CELSR1: variants seen among roughly 807,000 people sequenced by gnomAD.
The protein encoded by CELSR1 is adhesion G protein-coupled receptor C1.
CELSR1 carries 110 observed loss-of-function variants against 249.1 expected under a neutral mutation model. The ratio of observed to expected loss-of-function variants is 0.44; its 90% confidence interval spans 0.38 to 0.52. The LOEUF is 0.52. Ranked by LOEUF, CELSR1 falls within the 20% of genes least tolerant of loss-of-function variation. The pLI is 0.00. For missense variants in CELSR1, 4,109 were observed against 4,296.4 expected (o/e 0.96, Z 1.22); for synonymous variants, 2,113 against 1,900.0 (o/e 1.11, Z -2.92).
intron 32 of CELSR1, 122 bp from the exon 33 acceptor site, chr22:46,364,858 A>G: frequency 9.8e-7 from 1 of 1,019,686 alleles, no homozygotes; most frequent in Non-Finnish European, 1.4e-6. Flanking sequence ...GTAGGGCTGA[A>G]CCCTAAAGGT....
intron 11 of CELSR1, 91 bp from the exon 12 acceptor site, chr22:46,397,939 G>A: frequency 8.9e-7 from 1 of 1,118,300 alleles, no homozygotes. Flanking sequence ...TCCCTTGCGA[G>A]GCATTCATCT....
At position 46,377,644 on chromosome 22, in the gene CELSR1, A is replaced by ACAAGCC. The variant is rs1163504639; in HGVS notation, c.7384-389_7384-384dup. The ACAAGCC allele has an allele frequency of 1.0e-5, 3 of 294,130 alleles. No homozygotes were observed. In the East Asian group the frequency reaches 2.4e-4, roughly 24 times the overall value. 18.2% of individuals were successfully genotyped at this position (294,130 alleles called of 1,614,324 possible). ...TGTCACCTGGCATCCTGGCCATGAG[A>ACAAGCC]CAAGCCCCAACCCCGCCCACATATG... On this transcript the variant is annotated intron_variant, in intron 23 of 34. Coordinates refer to ENST00000674500, the MANE Select transcript of CELSR1 (RefSeq NM_001378328.1).
At position 46,409,952 on chromosome 22, in the gene CELSR1, G is replaced by A. The variant is rs1051241417; in HGVS notation, c.4934-72C>T. The stretch of plus-strand genomic sequence containing the variant: ...CGGGGTCCCCGGCGCCAGACGTGGC[G>A]TGGGAAACCAGGACGGAATGGACCC... On this transcript the variant is annotated intron_variant, in intron 7 of 34. Coordinates refer to ENST00000674500, the MANE Select transcript of CELSR1 (RefSeq NM_001378328.1). The surrounding 1 kb of genome is among the most constrained non-coding windows in gnomAD (Gnocchi z 9.8). The A allele has an allele frequency of 4.3e-5, 69 of 1,590,280 alleles. No individual in the cohort carries two copies. The highest frequency in any genetic ancestry group is 6.7e-5 in the East Asian group (3 of 44,768).
Position 46,437,890 on chromosome 22 carries a change from G to C in CELSR1, c.4406+1299C>G, listed in dbSNP as rs1344864078. On this transcript the variant is annotated intron_variant, in intron 3 of 34. Transcript: ENST00000674500. This position sits in a 1 kb window ranked among gnomAD's most constrained non-coding sequence, Gnocchi z 4.9. ...TGCTTGGGCAGGGAATGAGCAGGGA[G>C]AAGGGATCTTAATGACGACGGGACC... Among the ~76,000 whole-genome samples the C allele has an allele frequency of 6.6e-6, 1 of 152,220 alleles. No homozygotes were observed. Among genetic ancestry groups the C allele is most frequent in the East Asian group, 1.9e-4 (1 of 5,200 alleles).
chr22:46,366,910 TG>T, intron 29 of CELSR1, 82 bp downstream of exon 29: 1 of 1,510,076 alleles, frequency 6.6e-7, no homozygotes. Flanking sequence ...GCCGCAGGAC[TG>T]GGGCTGAGGC....
intron 24 of CELSR1, among the ~76,000 whole-genome samples, chr22:46,376,218 T>C (rs1344001130): frequency 6.6e-6 from 1 of 152,246 alleles, no homozygotes; most frequent in Admixed American, 6.5e-5. Context: ...AATAATATTT[T>C]TCCCTTAAAT....
Position 46,428,264 on chromosome 22 carries a change from G to A in CELSR1, c.4611+5129C>T, listed in dbSNP as rs2079557738. ...GAACCAGAGGAAGCCAAATTGCCGA[G>A]GCAGAGTCCCAAGGACTCCAGCAGC... On this transcript the variant is annotated intron_variant, in intron 5 of 34. Transcript: ENST00000674500. The surrounding 1 kb of genome is among the most constrained non-coding windows in gnomAD (Gnocchi z 5.7). 6.6e-6 allele frequency among the ~76,000 whole-genome samples: 1 copy of A among 152,198 alleles called. No homozygotes were observed. The highest frequency in any genetic ancestry group is 6.5e-5 in the Admixed American group (1 of 15,286).
intron 17 of CELSR1, 89 bp from the exon 18 acceptor site, chr22:46,389,588 T>C: frequency 7.5e-7 from 1 of 1,338,446 alleles, no homozygotes; most frequent in South Asian, 1.2e-5. Flanking sequence ...TACTGTCTGG[T>C]GCAAGTTTCC....
At position 46,433,747 on chromosome 22, in the gene CELSR1, T is replaced by C. The variant is rs1448173661; in HGVS notation, c.4523-266A>G. Among the ~76,000 whole-genome samples, 1 of 152,180 alleles carries C rather than the reference T, an allele frequency of 6.6e-6. No individual in the cohort carries two copies. Among genetic ancestry groups the C allele is most frequent in the Non-Finnish European group, 1.5e-5 (1 of 68,034 alleles). ...TCGCCCAGGCTGGAGTGCAGTGGCGTGATCTCAGCTCACTGCCACCTCCGC... is the reference window on the plus strand; with the variant it reads ...TCGCCCAGGCTGGAGTGCAGTGGCGCGATCTCAGCTCACTGCCACCTCCGC... On this transcript the variant is annotated intron_variant, in intron 4 of 34. Coordinates refer to ENST00000674500, the MANE Select transcript of CELSR1 (RefSeq NM_001378328.1). This position sits in a 1 kb window ranked among gnomAD's most constrained non-coding sequence, Gnocchi z 5.7.
Position 46,537,241 on chromosome 22 carries a change from C to G in CELSR1, c.-71G>C. 9.9e-7 allele frequency: 1 copy of G among 1,011,962 alleles called. No individual in the cohort carries two copies. The highest frequency in any genetic ancestry group is 1.0e-4 in the East Asian group (1 of 10,034). 62.7% of individuals were successfully genotyped at this position (1,011,962 alleles called of 1,614,324 possible). A position where few individuals can be genotyped will look rare whatever the true frequency, so the allele number is the denominator to read the frequency against. Reference sequence around the variant, plus strand: ...CACCCGGCGCGCCTCCGCATCCACCCGGCGAGGCCGGGGAGCGGCTCCCGG... The same window carrying G: ...CACCCGGCGCGCCTCCGCATCCACCGGGCGAGGCCGGGGAGCGGCTCCCGG... On this transcript the variant is annotated 5_prime_UTR_variant, in exon 1 of 35. Coordinates refer to ENST00000674500, the MANE Select transcript of CELSR1 (RefSeq NM_001378328.1). The surrounding 1 kb of genome is among the most constrained non-coding windows in gnomAD (Gnocchi z 5.8).
chr22:46,455,894 A>C (rs1028617546), intron 2 of CELSR1, among the ~76,000 whole-genome samples: 15 of 152,248 alleles, frequency 9.9e-5, no homozygotes, highest in Admixed American at 9.8e-4. Context: ...GAAATGAAAT[A>C]ATGCCCCAGC....
intron 1 of CELSR1, among the ~76,000 whole-genome samples, chr22:46,475,660 G>GGGC (rs1555926102): frequency 2.5e-4 from 5 of 20,252 alleles, no homozygotes; most frequent in Non-Finnish European, 8.1e-4. Context: ...AGAAACGAAT[G>GGGC]GGGGGGGAAG....
At chr22:46,420,622 A>G (rs574136927) in intron 5 of CELSR1, among the ~76,000 whole-genome samples, 195 of 149,942 alleles carry the variant, frequency 1.3e-3, no homozygotes, top group African/African-American at 4.7e-3. Context: ...ACTCACCTGT[A>G]CACACTCACC....
chr22:46,413,219 T>C lies in CELSR1; in HGVS notation c.4612-1460A>G, dbSNP rs180835830. Among the ~76,000 whole-genome samples, 77 of 152,386 alleles carry C rather than the reference T, an allele frequency of 5.1e-4. No individual in the cohort carries two copies. The highest frequency in any genetic ancestry group is 1.8e-3 in the African/African-American group (74 of 41,600). On this transcript the variant is annotated intron_variant, in intron 5 of 34. Coordinates refer to ENST00000674500, the MANE Select transcript of CELSR1 (RefSeq NM_001378328.1). The surrounding 1 kb of genome is among the most constrained non-coding windows in gnomAD (Gnocchi z 4.7). ...TCATTCAAAAATAAATCTTCAGTTT[T>C]TAATAGGAACAAAGTATCTATTTTG... is the stretch of plus-strand genomic sequence containing the variant.
intron 2 of CELSR1, among the ~76,000 whole-genome samples, chr22:46,459,241 A>C (rs1244706146): frequency 2.6e-5 from 4 of 152,104 alleles, no homozygotes; most frequent in Non-Finnish European, 5.9e-5. Flanking sequence ...TAGGGAGAGC[A>C]GACACCAAGA....
At chr22:46,514,241 A>C (rs1198060039) in intron 1 of CELSR1, among the ~76,000 whole-genome samples, 1 of 152,116 alleles carries the variant, frequency 6.6e-6, no homozygotes, top group Non-Finnish European at 1.5e-5. Flanking sequence ...CACCAGGGGA[A>C]TCCCACCCAG....
chr22:46,536,172 G>A lies in CELSR1; in HGVS notation c.999C>T (p.Arg333=), dbSNP rs1016848423. Residue 333 remains arginine, a synonymous_variant, in exon 1 of 35, where the codon CGC becomes CGT. Transcript: ENST00000674500. ...AGACAGTGATGTAGGTGGTGGCCGAGCGCGGCGGCGTACTGTAGTCCACGG... is the reference window on the plus strand; with the variant it reads ...AGACAGTGATGTAGGTGGTGGCCGAACGCGGCGGCGTACTGTAGTCCACGG... ...VKAVDYSTPP[R]SATTYITVLV... 6.2e-7 allele frequency: 1 copy of A among 1,612,860 alleles called. No homozygotes were observed. Among genetic ancestry groups the A allele is most frequent in the Non-Finnish European group, 8.5e-7 (1 of 1,180,004 alleles).
rs759783600 is a variant in CELSR1, at chr22:46,397,946, A to G, written c.5527-98T>C. On this transcript the variant is annotated intron_variant, in intron 11 of 34. Coordinates refer to ENST00000674500, the MANE Select transcript of CELSR1 (RefSeq NM_001378328.1). ...CTCTCTGGTCCCTTGCGAGGCATTCATCTGTGATGCCTCATTTATCTACAG... is the reference window on the plus strand; with the variant it reads ...CTCTCTGGTCCCTTGCGAGGCATTCGTCTGTGATGCCTCATTTATCTACAG... The G allele has an allele frequency of 1.2e-5, 12 of 993,426 alleles. No homozygotes were observed. The Middle Eastern group carries it at 9.0e-4, about 74-fold the overall frequency. The allele number at this position is 993,426 out of a possible 1,614,324, so 61.5% of individuals were successfully genotyped here. A position where few individuals can be genotyped will look rare whatever the true frequency, so the allele number is the denominator to read the frequency against.
At chr22:46,523,587 G>A (rs1489031205) in intron 1 of CELSR1, among the ~76,000 whole-genome samples, 2 of 149,330 alleles carry the variant, frequency 1.3e-5, no homozygotes, top group East Asian at 3.9e-4. Flanking sequence ...AAATCTTGAT[G>A]GGTGGATGGA....
Sources: gnomAD v4.1 joint callset for allele counts (sites outside exome capture counted in the v4.1 genomes callset) on GRCh38, gnomAD v4.1.1 for gene constraint, Gnocchi (gnomAD v3.1) non-coding constraint, MANE v1.5 for transcripts, NCBI Gene and HGNC (gene_info 2026-07-23, HGNC 2026-07-21) for gene names.